GALK2: variants seen among roughly 807,000 people sequenced by gnomAD.
GALK2 encodes the protein galactokinase 2, also known as N-acetylgalactosamine kinase.
A neutral mutation model predicts 52.4 loss-of-function variants in GALK2; 36 were observed. The ratio of observed to expected loss-of-function variants is 0.69; its 90% CI spans 0.53 to 0.91. The LOEUF (loss-of-function observed/expected upper bound fraction) is 0.91. GALK2 is among the 40% of genes least tolerant of loss of function. The pLI, the probability that GALK2 is intolerant of heterozygous loss-of-function variation, is 0.00. For synonymous variants in GALK2, 176 were observed against 199.1 expected, an observed-to-expected ratio of 0.88 and a Z score of 0.98; for missense variants, 579 against 559.1, an observed-to-expected ratio of 1.04 and a Z score of -0.36.
intron 5 of GALK2, among the ~76,000 whole-genome samples, chr15:49,266,504 T>A (rs138878327): frequency 3.3e-5 from 5 of 152,334 alleles, no homozygotes; most frequent in African/African-American, 1.2e-4. Flanking sequence ...TCTGTTTTGC[T>A]TGTCTGTTTC....
At chr15:49,276,813 TATTA>T (rs2031737401) in intron 5 of GALK2, among the ~76,000 whole-genome samples, 1 of 151,860 alleles carries the variant, frequency 6.6e-6, no homozygotes, top group Non-Finnish European at 1.5e-5. Context: ...CTAATTTATT[TATTA>T]ATTATTTATT....
rs1207171213 is a variant in GALK2, at chr15:49,177,048, A to C, written c.53+6673A>C. ...TTTCTAGAAAAATCAGCCATTTAAA[A>C]ATTTTTAAATCTTTTTAAAATTTAT... On this transcript the variant is annotated intron_variant, in intron 1 of 9. Coordinates refer to ENST00000560031, the MANE Select transcript of GALK2 (RefSeq NM_002044.4). 2.0e-5 allele frequency among the ~76,000 whole-genome samples: 3 copies of C among 152,172 alleles called. 1 individual carries two copies. The highest frequency in any genetic ancestry group is 2.1e-4 in the South Asian group (1 of 4,828).
chr15:49,312,257 G>A (rs2036055164), intron 8 of GALK2, among the ~76,000 whole-genome samples: 1 of 152,166 alleles, frequency 6.6e-6, no homozygotes, highest in Non-Finnish European at 1.5e-5. Context: ...TTATCTTATT[G>A]TGATGTGAGT....
intron 1 of GALK2, among the ~76,000 whole-genome samples, chr15:49,199,408 C>A (rs1270843692): frequency 1.3e-5 from 2 of 152,042 alleles, no homozygotes; most frequent in African/African-American, 4.8e-5. Context: ...AAGATTTAGG[C>A]AGCCGCATCT....
At chr15:49,234,590 C>G (rs1297081818) in intron 3 of GALK2, among the ~76,000 whole-genome samples, 2 of 152,082 alleles carry the variant, frequency 1.3e-5, no homozygotes, top group Admixed American at 6.5e-5. Flanking sequence ...GGGGAACTCC[C>G]CTTTGTAAAA....
intron 2 of GALK2, among the ~76,000 whole-genome samples, chr15:49,204,350 A>G (rs868097140): frequency 2.0e-5 from 3 of 147,796 alleles, no homozygotes; most frequent in African/African-American, 7.7e-5. Context: ...TTGTGATTCC[A>G]TACAAATTTT....
intron 4 of GALK2, 88 bp from the exon 5 acceptor site, chr15:49,239,133 C>A: frequency 8.8e-7 from 1 of 1,141,014 alleles, no homozygotes; most frequent in Non-Finnish European, 1.3e-6. Context: ...TATTGATAGA[C>A]TTTTGTTCTC....
chr15:49,296,473 A>G (rs2034489079), intron 8 of GALK2, among the ~76,000 whole-genome samples: 1 of 152,194 alleles, frequency 6.6e-6, no homozygotes, highest in African/African-American at 2.4e-5. Context: ...TTTTTATGGC[A>G]GCATAGTATT....
rs2044261989 is a variant in GALK2 at position 49,361,659 on chromosome 15, G to C, written c.427-5832G>C. On this transcript the variant is annotated intron_variant, in intron 3 of 3. Coordinates refer to the GALK2 transcript ENST00000558399. ...ACCTAGTCCTGTTGATGGGCATCTA[G>C]GTTGAATTCCTTATCTTTACTATTG... Among the ~76,000 whole-genome samples the C allele has an allele frequency of 2.0e-5, 3 of 152,132 alleles. No homozygotes were observed. In the South Asian group the frequency reaches 6.2e-4, roughly 31 times the overall value.
intron 5 of GALK2, among the ~76,000 whole-genome samples, chr15:49,259,854 C>G (rs2092012059): frequency 6.6e-6 from 1 of 150,586 alleles, no homozygotes; most frequent in African/African-American, 2.4e-5. Context: ...TCTTGCGATA[C>G]TTTACTGAGA....
intron 8 of GALK2, chr15:49,319,047 T>C (rs1011618117): frequency 7.2e-6 from 3 of 416,414 alleles, no homozygotes; most frequent in Non-Finnish European, 1.4e-5. Flanking sequence ...GCCTCCCAGG[T>C]TCAAGCAATT....
At chr15:49,272,713 T>C (rs1319130200) in intron 5 of GALK2, among the ~76,000 whole-genome samples, 1 of 152,196 alleles carries the variant, frequency 6.6e-6, no homozygotes, top group Non-Finnish European at 1.5e-5. Flanking sequence ...TAGGTACTAA[T>C]AAGATTCCTC....
intron 5 of GALK2, among the ~76,000 whole-genome samples, chr15:49,270,188 A>C (rs2030237605): frequency 1.3e-5 from 2 of 152,248 alleles, no homozygotes; most frequent in Non-Finnish European, 2.9e-5. Flanking sequence ...AGTAAGGTTA[A>C]TAAATTAGAA....
At chr15:49,197,931 T>C (rs1200439590) in intron 1 of GALK2, among the ~76,000 whole-genome samples, 1 of 151,372 alleles carries the variant, frequency 6.6e-6, no homozygotes, top group Non-Finnish European at 1.5e-5. Flanking sequence ...GCTTTGTCAG[T>C]TTTTTTTTCC....
intron 2 of GALK2, among the ~76,000 whole-genome samples, chr15:49,213,365 T>C (rs976945721): frequency 1.3e-5 from 2 of 152,198 alleles, no homozygotes; most frequent in African/African-American, 4.8e-5. Context: ...AATTTTACTT[T>C]AAGTTCTGGG....
chr15:49,358,284 A>T (rs988072118), intron 3 of GALK2, among the ~76,000 whole-genome samples: 1 of 136,408 alleles, frequency 7.3e-6, no homozygotes, highest in Non-Finnish European at 1.6e-5. Context: ...TTAGGAAAAG[A>T]GGAAGTCAAA....
At chr15:49,359,954 T>C (rs552354878) in intron 3 of GALK2, among the ~76,000 whole-genome samples, 109 of 149,498 alleles carry the variant, frequency 7.3e-4, no homozygotes, top group African/African-American at 2.5e-3. Context: ...ATGGATGAAA[T>C]TGGAAATCAT....
intron 1 of GALK2, among the ~76,000 whole-genome samples, chr15:49,187,703 C>T (rs757231026): frequency 1.3e-5 from 2 of 152,114 alleles, no homozygotes; most frequent in Non-Finnish European, 2.9e-5. Flanking sequence ...CTGTAGCCAC[C>T]TCCCCCAGCC....
intron 3 of GALK2, among the ~76,000 whole-genome samples, chr15:49,360,681 T>C (rs902943955): frequency 6.6e-6 from 1 of 152,158 alleles, no homozygotes; most frequent in African/African-American, 2.4e-5. Flanking sequence ...TCAAAGTTTT[T>C]CTCCTGTTTT....
Sources: allele counts gnomAD v4.1 joint callset (sites outside exome capture counted in the v4.1 genomes callset), GRCh38; gene constraint gnomAD v4.1.1; transcripts MANE v1.5; gene names NCBI Gene and HGNC (gene_info 2026-07-23, HGNC 2026-07-21).